ARSB: variants seen among roughly 807,000 people sequenced by gnomAD.
ARSB encodes arylsulfatase B.
In ARSB, 41 loss-of-function variants were observed where a neutral mutation model predicts 50.9. That is an observed-to-expected ratio of 0.81 (90% CI 0.63 to 1.04). ARSB has a LOEUF of 1.04. Ranked by LOEUF, ARSB falls within the 50% of genes least tolerant of loss-of-function variation. ARSB has a pLI of 0.00. For missense variants in ARSB, 672 were observed against 693.3 expected (o/e 0.97, Z 0.35); for synonymous variants, 269 against 284.8 (o/e 0.94, Z 0.56).
chr5:78,917,414 T>A (rs1749603816), intron 4 of ARSB, among the ~76,000 whole-genome samples: 1 of 152,160 alleles, frequency 6.6e-6, no homozygotes, highest in South Asian at 2.1e-4. Context: ...ATAGGATACA[T>A]GCCCATCTGA....
chr5:78,809,563 C>A (rs1215756090), intron 6 of ARSB, among the ~76,000 whole-genome samples: 1 of 152,264 alleles, frequency 6.6e-6, no homozygotes, highest in Non-Finnish European at 1.5e-5. Flanking sequence ...TGGCTCAGCT[C>A]CCCAAGTCAG....
intron 6 of ARSB, among the ~76,000 whole-genome samples, chr5:78,834,887 T>C (rs796085281): frequency 2.6e-5 from 4 of 152,034 alleles, no homozygotes; most frequent in African/African-American, 9.6e-5. Flanking sequence ...GGCTACATTA[T>C]TTTACTTTCC....
chr5:78,978,983 A>C (rs1379489100), intron 1 of ARSB, among the ~76,000 whole-genome samples: 1 of 152,262 alleles, frequency 6.6e-6, no homozygotes, highest in East Asian at 1.9e-4. Context: ...TAAGTTGTAC[A>C]TAAAAATTTG....
Position 78,849,206 on chromosome 5 carries a change from G to A in ARSB, c.1143-9780C>T, listed in dbSNP as rs1305626931. On this transcript the variant is annotated intron_variant, in intron 5 of 7. Coordinates refer to ENST00000264914, the MANE Select transcript of ARSB (RefSeq NM_000046.5). ...GGGTTTTTATGGTTTTAGGTCTAAC[G>A]TTTAAGTCTTTAATCCATCTTGAAT... Among the ~76,000 whole-genome samples the A allele has an allele frequency of 6.6e-5, 10 of 151,974 alleles. No individual in the cohort carries two copies. The South Asian group carries it at 1.9e-3, about 28-fold the overall frequency.
At chr5:78,932,760 G>A (rs1158255539) in intron 4 of ARSB, among the ~76,000 whole-genome samples, 1 of 152,130 alleles carries the variant, frequency 6.6e-6, no homozygotes, top group African/African-American at 2.4e-5. Flanking sequence ...ACAACAACTA[G>A]GTTACAGGAA....
At chr5:78,870,676 G>C (rs1401584101) in intron 5 of ARSB, among the ~76,000 whole-genome samples, 1 of 150,378 alleles carries the variant, frequency 6.6e-6, no homozygotes, top group Admixed American at 6.7e-5. Context: ...AAAATAATAA[G>C]AGCTATCTAT....
intron 5 of ARSB, among the ~76,000 whole-genome samples, chr5:78,847,276 G>T (rs1361565446): frequency 2.0e-5 from 3 of 151,968 alleles, no homozygotes; most frequent in Admixed American, 2.0e-4. Context: ...ATAGGAGCAT[G>T]CCACCATGCC....
rs1335968150 is a variant in ARSB, at chr5:78,812,622, CACACACACAT to C, written c.1213+26724_1213+26733del. The stretch of plus-strand genomic sequence containing the variant: ...ACACACACACACACACACACACACA[CACACACACAT>C]GATATCACAATTTAGCATTAAATGC... On this transcript the variant is annotated intron_variant, in intron 6 of 7. Coordinates refer to ENST00000264914, the MANE Select transcript of ARSB (RefSeq NM_000046.5). Among the ~76,000 whole-genome samples the C allele has an allele frequency of 2.6e-3, 380 of 144,996 alleles. 2 individuals carry two copies. The highest frequency in any genetic ancestry group is 8.8e-3 in the African/African-American group (353 of 40,116).
chr5:78,791,231 T>C (rs886173872), intron 6 of ARSB, among the ~76,000 whole-genome samples: 17 of 152,238 alleles, frequency 1.1e-4, no homozygotes, highest in Non-Finnish European at 4.4e-5. Flanking sequence ...TTTTCTAAAC[T>C]GGAAATTCTG....
rs1175459613 is a variant in ARSB, at chr5:78,779,989, C to CA, written c.*407_*408insT. On this transcript the variant is annotated 3_prime_UTR_variant, in exon 8 of 8. Coordinates refer to ENST00000264914, the MANE Select transcript of ARSB (RefSeq NM_000046.5). Reference sequence around the variant, plus strand: ...ACAGAACCATTAATCACTGTCTGCTCCCTTCATTTGCGTAAGAAATGTGAT... The same window carrying CA: ...ACAGAACCATTAATCACTGTCTGCTCACCTTCATTTGCGTAAGAAATGTGAT... 3.6e-6 allele frequency: 1 copy of CA among 274,274 alleles called. No individual in the cohort carries two copies. Among genetic ancestry groups the CA allele is most frequent in the African/African-American group, 2.2e-5 (1 of 45,132 alleles). The allele number at this position is 274,274 out of a possible 1,614,324, so 17.0% of individuals were successfully genotyped here. A position where few individuals can be genotyped will look rare whatever the true frequency, so the allele number is the denominator to read the frequency against.
Position 78,835,440 on chromosome 5 carries a change from C to T in ARSB, c.1213+3916G>A, listed in dbSNP as rs1744908360. Among the ~76,000 whole-genome samples, 4 of 152,146 alleles carry T rather than the reference C, an allele frequency of 2.6e-5. No homozygotes were observed. The South Asian group carries it at 8.3e-4, about 32-fold the overall frequency. ...AATGCCTATTCGTATGATTCACAAT[C>T]AGAGGAGACATTGGTCAACAAACCC... On this transcript the variant is annotated intron_variant, in intron 6 of 7. Coordinates refer to ENST00000264914, the MANE Select transcript of ARSB (RefSeq NM_000046.5).
At chr5:78,816,248 G>A in intron 6 of ARSB, 18 of 1,541,990 alleles carry the variant, frequency 1.2e-5, no homozygotes, top group Non-Finnish European at 1.6e-5. Context: ...GGCAAGGACT[G>A]TCTCCTTCAT....
At chr5:78,972,508 C>T (rs1025619094) in intron 1 of ARSB, among the ~76,000 whole-genome samples, 1 of 119,818 alleles carries the variant, frequency 8.3e-6, no homozygotes, top group Non-Finnish European at 1.8e-5. Flanking sequence ...CACATTTGCA[C>T]GCATACGTAC....
chr5:78,851,804 C>G (rs1054980040), intron 5 of ARSB, among the ~76,000 whole-genome samples: 2 of 152,154 alleles, frequency 1.3e-5, no homozygotes, highest in Non-Finnish European at 2.9e-5. Context: ...GATCCCTTTA[C>G]CATTATGTAA....
intron 6 of ARSB, among the ~76,000 whole-genome samples, chr5:78,803,770 T>C (rs916044613): frequency 1.3e-5 from 2 of 152,388 alleles, no homozygotes; most frequent in South Asian, 2.1e-4. Flanking sequence ...CCATGGGATA[T>C]AGTAATGTAT....
chr5:78,944,506 G>A (rs1276281359), intron 4 of ARSB, among the ~76,000 whole-genome samples: 8 of 152,278 alleles, frequency 5.3e-5, no homozygotes, highest in South Asian at 4.1e-4. Flanking sequence ...AGTCAGGACC[G>A]TCAGCTGCAG....
rs1343885325 is a variant in ARSB at position 78,885,728 on chromosome 5, GCCACAAAGC to G, written c.989_997del (p.Gly330_Val332del). On this transcript the variant is annotated inframe_deletion, in exon 5 of 8. Coordinates refer to ENST00000264914, the MANE Select transcript of ARSB (RefSeq NM_000046.5). ...GCCCTTCTGCTTCAGCAAGGGGCTT[GCCACAAAGC>G]CCACCCCTCGGACGCCTCCTTCCCA... 6.2e-7 allele frequency: 1 copy of G among 1,613,994 alleles called. No individual in the cohort carries two copies. Among genetic ancestry groups the G allele is most frequent in the Non-Finnish European group, 8.5e-7 (1 of 1,180,030 alleles).
At chr5:78,880,039 C>T (rs1309924729) in intron 5 of ARSB, among the ~76,000 whole-genome samples, 1 of 151,990 alleles carries the variant, frequency 6.6e-6, no homozygotes, top group Non-Finnish European at 1.5e-5. Context: ...ATAATTTTGG[C>T]CATATCTTTT....
intron 5 of ARSB, among the ~76,000 whole-genome samples, chr5:78,865,260 A>G (rs897524098): frequency 1.3e-5 from 2 of 152,052 alleles, no homozygotes; most frequent in South Asian, 4.2e-4. Flanking sequence ...AGGTTCCCAA[A>G]CCCCAATTCT....
Sources: allele counts gnomAD v4.1 joint callset (sites outside exome capture counted in the v4.1 genomes callset), GRCh38; gene constraint gnomAD v4.1.1; transcripts MANE v1.5; gene names NCBI Gene and HGNC (gene_info 2026-07-23, HGNC 2026-07-21).